The following RYR2 variants were observed in gnomAD, a reference collection of about 807,000 sequenced individuals.
RYR2 encodes cardiac muscle ryanodine receptor-calcium release channel.
In RYR2, 227 loss-of-function variants were observed where a neutral mutation model predicts 601.1. That is an observed-to-expected ratio of 0.38 (90% CI 0.34 to 0.42). The LOEUF is 0.42. RYR2 is among the 10% of genes least tolerant of loss of function. The pLI is 1.00. For synonymous variants in RYR2, 2,223 were observed against 2,175.1 expected (o/e 1.02, Z -0.61); for missense variants, 4,646 against 6,156.5 (o/e 0.75, Z 8.21).
rs1558841580 is a variant in RYR2, at chr1:237,451,988, T to TG, written c.1293-2403_1293-2402insG. On this transcript the variant is annotated intron_variant, in intron 14 of 104. Transcript: ENST00000366574. ...GGTAGTACTGTGTGTGTATGTGTGTTTGTGTGTGTGTTTGTGTGTGTGTTT... is the reference window on the plus strand; with the variant it reads ...GGTAGTACTGTGTGTGTATGTGTGTTGTGTGTGTGTGTTTGTGTGTGTGTTT... Among the ~76,000 whole-genome samples the TG allele has an allele frequency of 4.6e-4, 20 of 43,084 alleles. 1 individual carries two copies. The highest frequency in any genetic ancestry group is 1.1e-3 in the Admixed American group (4 of 3,628). 28.3% of individuals were successfully genotyped at this position (43,084 alleles called of 152,430 possible).
chr1:237,746,127 G>T (rs1243064619), intron 80 of RYR2, among the ~76,000 whole-genome samples: 3 of 152,054 alleles, frequency 2.0e-5, no homozygotes, highest in African/African-American at 7.2e-5. Flanking sequence ...AAAATTTATT[G>T]TTTATAAATG....
chr1:237,509,948 C>G (rs1665714459), intron 23 of RYR2, among the ~76,000 whole-genome samples: 1 of 152,170 alleles, frequency 6.6e-6, no homozygotes, highest in Non-Finnish European at 1.5e-5. Context: ...CAAGAGGACA[C>G]CTCTGCTGTG....
intron 38 of RYR2, among the ~76,000 whole-genome samples, chr1:237,622,088 G>A (rs921240886): frequency 8.6e-5 from 13 of 151,930 alleles, no homozygotes; most frequent in African/African-American, 3.1e-4. Context: ...TAGCATATAA[G>A]TCTATAATTA....
At chr1:237,402,018 T>G (rs1703388602) in intron 10 of RYR2, among the ~76,000 whole-genome samples, 1 of 152,190 alleles carries the variant, frequency 6.6e-6, no homozygotes, top group African/African-American at 2.4e-5. Context: ...ATGATAGGAC[T>G]TGACTAAAGA....
chr1:237,715,614 A>G (rs1689206624), intron 71 of RYR2, among the ~76,000 whole-genome samples: 1 of 152,144 alleles, frequency 6.6e-6, no homozygotes, highest in Non-Finnish European at 1.5e-5. Flanking sequence ...CTATACAACC[A>G]TAAAACCAAA....
chr1:237,081,616 C>G (rs1665678104), intron 1 of RYR2, among the ~76,000 whole-genome samples: 1 of 152,022 alleles, frequency 6.6e-6, no homozygotes, highest in African/African-American at 2.4e-5. Flanking sequence ...CACACACACA[C>G]ATACGCACAC....
At chr1:237,451,305 T>G (rs576995720) in intron 14 of RYR2, among the ~76,000 whole-genome samples, 1 of 152,236 alleles carries the variant, frequency 6.6e-6, no homozygotes, top group South Asian at 2.1e-4. Context: ...GTGTGGTGGC[T>G]CACACCTGTA....
chr1:237,525,032 T>G (rs1667434983), intron 24 of RYR2, among the ~76,000 whole-genome samples: 1 of 152,166 alleles, frequency 6.6e-6, no homozygotes, highest in Admixed American at 6.6e-5. Flanking sequence ...TACATAGGTA[T>G]AATGGTGGGA....
chr1:237,239,379 G>A (rs1338562252), intron 1 of RYR2, among the ~76,000 whole-genome samples: 1 of 152,162 alleles, frequency 6.6e-6, no homozygotes, highest in African/African-American at 2.4e-5. Context: ...GTTCCATGGT[G>A]AAATGCACGG....
At chr1:237,539,261 T>C (rs192164762) in intron 25 of RYR2, among the ~76,000 whole-genome samples, 2 of 152,370 alleles carry the variant, frequency 1.3e-5, no homozygotes, top group Admixed American at 6.5e-5. Context: ...GCTGAAAGCA[T>C]GTATTTCCTG....
At chr1:237,556,117 T>C (rs911446382) in intron 27 of RYR2, among the ~76,000 whole-genome samples, 1 of 152,132 alleles carries the variant, frequency 6.6e-6, no homozygotes, top group Non-Finnish European at 1.5e-5. Context: ...TAATTTCATC[T>C]TCGTAACACC....
intron 2 of RYR2, among the ~76,000 whole-genome samples, chr1:237,330,293 C>T (rs1696577042): frequency 6.6e-6 from 1 of 152,214 alleles, no homozygotes; most frequent in African/African-American, 2.4e-5. Flanking sequence ...ATACAGCTCC[C>T]AGGGCAATGC....
At chr1:237,667,379 T>C (rs1190992716) in intron 57 of RYR2, among the ~76,000 whole-genome samples, 2 of 152,172 alleles carry the variant, frequency 1.3e-5, no homozygotes, top group African/African-American at 4.8e-5. Flanking sequence ...GAAAATCAAA[T>C]GTAGAAAGAA....
intron 3 of RYR2, among the ~76,000 whole-genome samples, chr1:237,348,682 A>C (rs932209542): frequency 6.6e-6 from 1 of 152,196 alleles, no homozygotes; most frequent in Non-Finnish European, 1.5e-5. Flanking sequence ...ACAGTATCTG[A>C]TGTGCAGTCA....
At chr1:237,376,979 A>G (rs1216010403) in intron 7 of RYR2, among the ~76,000 whole-genome samples, 1 of 152,204 alleles carries the variant, frequency 6.6e-6, no homozygotes. Flanking sequence ...ATTTTATAGA[A>G]AGGAATTGGA....
chr1:237,672,322 C>T (rs61832669), intron 58 of RYR2, among the ~76,000 whole-genome samples: 26,982 of 152,088 alleles, frequency 0.18, 2,986 homozygotes, highest in South Asian at 0.31. Flanking sequence ...TATTGGTATG[C>T]GGCCCCAAAA....
chr1:237,282,120 AG>A (rs1328851784), intron 2 of RYR2, among the ~76,000 whole-genome samples: 1 of 152,058 alleles, frequency 6.6e-6, no homozygotes, highest in Non-Finnish European at 1.5e-5. Flanking sequence ...TGAATCTAAG[AG>A]TATGATTTAG....
intron 8 of RYR2, among the ~76,000 whole-genome samples, chr1:237,379,200 C>T (rs74147249): frequency 0.093 from 14,097 of 152,186 alleles, 789 homozygotes; most frequent in African/African-American, 0.16. Flanking sequence ...TAGATTTTGA[C>T]ATAACTATGA....
At chr1:237,319,559 A>T (rs1572589015) in intron 2 of RYR2, among the ~76,000 whole-genome samples, 1 of 152,064 alleles carries the variant, frequency 6.6e-6, no homozygotes, top group African/African-American at 2.4e-5. Context: ...TTAATGTTTT[A>T]AAAAAATTAT....
Sources: allele counts gnomAD v4.1 joint callset (sites outside exome capture counted in the v4.1 genomes callset), GRCh38; gene constraint gnomAD v4.1.1; transcripts MANE v1.5; gene names NCBI Gene and HGNC (gene_info 2026-07-23, HGNC 2026-07-21).